COL13A1: variants seen among roughly 807,000 people sequenced by gnomAD.
COL13A1 encodes the protein collagen type XIII alpha 1 chain, also known as collagen alpha-1(XIII) chain.
In COL13A1, 89 loss-of-function variants were observed where a neutral mutation model predicts 130.9. The observed-to-expected ratio is 0.68, with a 90% CI of 0.57 to 0.81. The LOEUF (loss-of-function observed/expected upper bound fraction) is 0.81. Ranked by LOEUF, COL13A1 falls within the 30% of genes least tolerant of loss-of-function variation. The pLI is 0.00. For synonymous variants in COL13A1, 402 were observed against 341.6 expected, an observed-to-expected ratio of 1.18 and a Z score of -1.95; for missense variants, 879 against 934.6, an observed-to-expected ratio of 0.94 and a Z score of 0.78.
intron 2 of COL13A1, among the ~76,000 whole-genome samples, chr10:69,823,772 T>C (rs2132663881): frequency 6.6e-6 from 1 of 152,044 alleles, no homozygotes; most frequent in East Asian, 1.9e-4. Context: ...ATTAAAAGGG[T>C]GTCCAGAAGC....
At chr10:69,941,174 G>T (rs1237914777) in intron 35 of COL13A1, among the ~76,000 whole-genome samples, 151 bp downstream of exon 35, 1 of 152,216 alleles carries the variant, frequency 6.6e-6, no homozygotes, top group Non-Finnish European at 1.5e-5. Flanking sequence ...ATGCTCTGAA[G>T]TGCCTTTTCT....
chr10:69,893,344 C>G (rs961035993), intron 10 of COL13A1, among the ~76,000 whole-genome samples: 2 of 152,222 alleles, frequency 1.3e-5, no homozygotes, highest in Non-Finnish European at 1.5e-5. Flanking sequence ...AGAGCGAGAC[C>G]CTGTCTCAAT....
At chr10:69,875,312 GA>G in intron 5 of COL13A1, 149 bp downstream of exon 5, 2 of 925,038 alleles carry the variant, frequency 2.2e-6, no homozygotes, top group Non-Finnish European at 3.4e-6. Context: ...GTGCTTTAGG[GA>G]GGGAGAAGAA....
intron 40 of COL13A1, among the ~76,000 whole-genome samples, chr10:69,957,866 G>A (rs2071083693): frequency 6.6e-6 from 1 of 152,124 alleles, no homozygotes; most frequent in Non-Finnish European, 1.5e-5. Context: ...ATTGTCTCAA[G>A]GTTCATCCTC....
intron 13 of COL13A1, chr10:69,897,336 C>T: frequency 1.2e-6 from 1 of 809,976 alleles, no homozygotes; most frequent in Non-Finnish European, 1.9e-6. Flanking sequence ...ATCCAGGTGG[C>T]CCCTCCTCCA....
At chr10:69,910,441 C>A (rs1364034406) in intron 17 of COL13A1, among the ~76,000 whole-genome samples, 1 of 152,128 alleles carries the variant, frequency 6.6e-6, no homozygotes, top group Non-Finnish European at 1.5e-5. Flanking sequence ...CTTGGAGGGA[C>A]ACCTTTCTGA....
At chr10:69,908,049 G>T (rs897558988) in intron 17 of COL13A1, among the ~76,000 whole-genome samples, 15 of 152,284 alleles carry the variant, frequency 9.9e-5, no homozygotes, top group African/African-American at 3.1e-4. Flanking sequence ...TCCAGGTCTG[G>T]GTCCTTCCCA....
Position 69,802,373 on chromosome 10 carries a change from C to G in COL13A1, c.-51C>G. The G allele has an allele frequency of 1.4e-6, 2 of 1,400,002 alleles. No homozygotes were observed. Among genetic ancestry groups the G allele is most frequent in the Non-Finnish European group, 9.2e-7 (1 of 1,081,750 alleles). The allele number at this position is 1,400,002 out of a possible 1,614,324, so 86.7% of individuals were successfully genotyped here. On this transcript the variant is annotated 5_prime_UTR_variant, in exon 1 of 41. Coordinates refer to ENST00000645393, the MANE Select transcript of COL13A1 (RefSeq NM_001368882.1). ...GATAGAGCCTTTTGGCAGCGGCTGT[C>G]GCCTTTATTTATTCTATTTATTTAT...
intron 2 of COL13A1, among the ~76,000 whole-genome samples, chr10:69,844,107 A>G (rs1852354691): frequency 6.6e-6 from 1 of 152,230 alleles, no homozygotes; most frequent in African/African-American, 2.4e-5. Flanking sequence ...AAGAGGCGGC[A>G]TTTGCTCTAG....
At position 69,907,477 on chromosome 10, in the gene COL13A1, C is replaced by T. The variant is rs531079713; in HGVS notation, c.921+1655C>T. Among the ~76,000 whole-genome samples, 116 of 152,212 alleles carry T rather than the reference C, an allele frequency of 7.6e-4. 1 individual carries two copies. The highest frequency in any genetic ancestry group is 2.4e-3 in the African/African-American group (100 of 41,526). On this transcript the variant is annotated intron_variant, in intron 17 of 40. Transcript: ENST00000645393. ...TGGACAGTGGAAGGGCAGGAGAGGG[C>T]GAGAGAACACGAGCAAGAGAAGGCT...
chr10:69,869,037 CA>C (rs994470211), intron 3 of COL13A1, among the ~76,000 whole-genome samples: 16 of 151,648 alleles, frequency 1.1e-4, no homozygotes, highest in African/African-American at 2.9e-4. Context: ...CCCCCAGGGG[CA>C]GGATGCTGCA....
At chr10:69,897,847 G>A (rs942569) in intron 13 of COL13A1, among the ~76,000 whole-genome samples, 127,152 of 152,226 alleles carry the variant, frequency 0.84, 54,565 homozygotes, top group East Asian at 1. Context: ...GGGCTCTGAT[G>A]GCCTCCTAAA....
At chr10:69,877,002 C>T (rs866904712) in intron 5 of COL13A1, among the ~76,000 whole-genome samples, 143 of 152,334 alleles carry the variant, frequency 9.4e-4, no homozygotes, top group African/African-American at 3.3e-3. Context: ...ACACTTCCCT[C>T]CCATAGCAGT....
intron 1 of COL13A1, among the ~76,000 whole-genome samples, chr10:69,804,322 T>G (rs1840867095): frequency 6.6e-6 from 1 of 152,082 alleles, no homozygotes; most frequent in Non-Finnish European, 1.5e-5. Flanking sequence ...CAGACCTTCC[T>G]GCTGGCCTGA....
chr10:69,869,581 G>T lies in COL13A1; in HGVS notation c.372+1776G>T, dbSNP rs77425839. ...GCCAGTGCCTGAAGAACATAACTGTGCAGGATGGATTAAAGCTGCAGCAGG... is the reference window on the plus strand; with the variant it reads ...GCCAGTGCCTGAAGAACATAACTGTTCAGGATGGATTAAAGCTGCAGCAGG... On this transcript the variant is annotated intron_variant, in intron 3 of 40. Transcript: ENST00000645393. 8.6e-3 allele frequency among the ~76,000 whole-genome samples: 1,311 copies of T among 152,310 alleles called. 19 individuals are homozygous for T. The highest frequency in any genetic ancestry group is 0.029 in the African/African-American group (1,197 of 41,556).
At chr10:69,949,556 T>C (rs2069073656) in intron 38 of COL13A1, among the ~76,000 whole-genome samples, 1 of 152,178 alleles carries the variant, frequency 6.6e-6, no homozygotes, top group South Asian at 2.1e-4. Context: ...CATCAAAGGA[T>C]GGTCTCAGAG....
chr10:69,830,749 T>C (rs1378705399), intron 2 of COL13A1, among the ~76,000 whole-genome samples: 1 of 152,164 alleles, frequency 6.6e-6, no homozygotes, highest in African/African-American at 2.4e-5. Flanking sequence ...GCGATGTAAT[T>C]CCCATATACA....
At chr10:69,834,842 G>T (rs1158686860) in intron 2 of COL13A1, among the ~76,000 whole-genome samples, 1 of 152,196 alleles carries the variant, frequency 6.6e-6, no homozygotes. Flanking sequence ...GGAACAGTTC[G>T]TCCAGAGGGA....
intron 38 of COL13A1, among the ~76,000 whole-genome samples, chr10:69,947,665 C>T (rs779334117): frequency 2.0e-5 from 3 of 152,180 alleles, no homozygotes; most frequent in Non-Finnish European, 4.4e-5. Flanking sequence ...CCTACGTGAT[C>T]ATTTTAGATC....
Sources: gnomAD v4.1 joint callset for allele counts (sites outside exome capture counted in the v4.1 genomes callset) on GRCh38, gnomAD v4.1.1 for gene constraint, MANE v1.5 for transcripts, NCBI Gene and HGNC (gene_info 2026-07-23, HGNC 2026-07-21) for gene names.